AGBL4: variants seen among roughly 807,000 people sequenced by gnomAD.
The protein encoded by AGBL4 is AGBL carboxypeptidase 4.
A neutral mutation model predicts 66.4 loss-of-function variants in AGBL4; 58 were observed. The observed-to-expected ratio is 0.87, with a 90% CI of 0.71 to 1.09. AGBL4 has a LOEUF of 1.09. AGBL4 is among the 50% of genes least tolerant of loss of function. The pLI is 0.00. For synonymous variants in AGBL4, 234 were observed against 222.9 expected, an observed-to-expected ratio of 1.05 and a Z score of -0.44; for missense variants, 579 against 631.0, an observed-to-expected ratio of 0.92 and a Z score of 0.88.
At chr1:49,247,194 G>A (rs559997513) in intron 3 of AGBL4, among the ~76,000 whole-genome samples, 1 of 152,018 alleles carries the variant, frequency 6.6e-6, no homozygotes, top group African/African-American at 2.4e-5. Context: ...TATTTTCCAA[G>A]GGCAAAAAAT....
At chr1:49,829,391 G>A (rs182419794) in intron 2 of AGBL4, among the ~76,000 whole-genome samples, 2 of 152,182 alleles carry the variant, frequency 1.3e-5, no homozygotes, top group Admixed American at 6.5e-5. Context: ...GGGTAAGACA[G>A]TATTGGAAAG....
intron 2 of AGBL4, among the ~76,000 whole-genome samples, chr1:49,780,721 A>G (rs538612519): frequency 3.9e-5 from 6 of 152,164 alleles, no homozygotes; most frequent in Non-Finnish European, 7.4e-5. Context: ...ACCACTAAGA[A>G]AATAACCAGA....
chr1:48,783,868 A>T (rs151229706), intron 6 of AGBL4, among the ~76,000 whole-genome samples: 74 of 152,306 alleles, frequency 4.9e-4, no homozygotes, highest in Middle Eastern at 3.4e-3. Flanking sequence ...AGCACACAGG[A>T]AATTCTCAAC....
At chr1:48,986,773 T>C (rs1278637111) in intron 5 of AGBL4, among the ~76,000 whole-genome samples, 1 of 152,076 alleles carries the variant, frequency 6.6e-6, no homozygotes, top group African/African-American at 2.4e-5. Context: ...CATAAGAATA[T>C]GTCTTATTAG....
At position 49,512,547 on chromosome 1, in the gene AGBL4, C is replaced by T. The variant is rs185198568; in HGVS notation, c.282+184766G>A. On this transcript the variant is annotated intron_variant, in intron 3 of 13. Transcript: ENST00000371839. ...GTTAAGTTTGTGGCATTTCCTGCCACCCCCCCTCTTTCCTACTTCACCATG... is the reference window on the plus strand; with the variant it reads ...GTTAAGTTTGTGGCATTTCCTGCCATCCCCCCTCTTTCCTACTTCACCATG... 7.7e-4 allele frequency among the ~76,000 whole-genome samples: 117 copies of T among 151,630 alleles called. 1 individual carries two copies. Among genetic ancestry groups the T allele is most frequent in the African/African-American group, 2.8e-3 (114 of 41,384 alleles).
intron 2 of AGBL4, among the ~76,000 whole-genome samples, chr1:49,731,873 A>G (rs1481181080): frequency 6.6e-6 from 1 of 152,216 alleles, no homozygotes; most frequent in African/African-American, 2.4e-5. Flanking sequence ...TCTTAAAGGT[A>G]TACAAAAATC....
chr1:49,278,125 G>T (rs558126478), intron 3 of AGBL4, among the ~76,000 whole-genome samples: 31 of 152,220 alleles, frequency 2.0e-4, no homozygotes, highest in Non-Finnish European at 4.6e-4. Flanking sequence ...CAATGTGGTA[G>T]AAGCAGCATC....
chr1:49,877,376 T>C (rs1165630944), intron 1 of AGBL4, among the ~76,000 whole-genome samples: 1 of 152,104 alleles, frequency 6.6e-6, no homozygotes, highest in Non-Finnish European at 1.5e-5. Flanking sequence ...GAAGGGTTGT[T>C]GAATTCTGTC....
chr1:49,114,555 A>G (rs1297482340), intron 4 of AGBL4, among the ~76,000 whole-genome samples: 2 of 152,242 alleles, frequency 1.3e-5, no homozygotes, highest in African/African-American at 2.4e-5. Context: ...CATAAACAAC[A>G]TGACTGTTTG....
intron 3 of AGBL4, chr1:49,268,118 T>C (rs1054152100): frequency 3.9e-5 from 6 of 152,104 alleles, no homozygotes; most frequent in Non-Finnish European, 1.5e-5. Flanking sequence ...TCAAGGATAA[T>C]AAATAGAAAA....
intron 2 of AGBL4, among the ~76,000 whole-genome samples, chr1:49,723,344 C>T (rs1648753290): frequency 6.6e-6 from 1 of 152,074 alleles, no homozygotes; most frequent in Admixed American, 6.6e-5. Flanking sequence ...CTTCTAACGC[C>T]AGCAAGCCTC....
chr1:49,500,726 C>T (rs1648071677), intron 3 of AGBL4, among the ~76,000 whole-genome samples: 1 of 152,012 alleles, frequency 6.6e-6, no homozygotes, highest in African/African-American at 2.4e-5. Flanking sequence ...TATTCTGTTC[C>T]ATTGGTCTAT....
intron 6 of AGBL4, among the ~76,000 whole-genome samples, chr1:48,747,657 C>T (rs1650984003): frequency 6.6e-6 from 1 of 152,166 alleles, no homozygotes; most frequent in African/African-American, 2.4e-5. Flanking sequence ...TGGCTTTTTC[C>T]CTAAAATGGA....
intron 3 of AGBL4, among the ~76,000 whole-genome samples, chr1:49,647,312 G>T (rs1645909357): frequency 6.6e-6 from 1 of 151,990 alleles, no homozygotes; most frequent in Non-Finnish European, 1.5e-5. Context: ...ACAACTTTTA[G>T]ATTCATAAGA....
rs570124687 is a variant in AGBL4 at position 49,487,942 on chromosome 1, G to A, written c.282+209371C>T. On this transcript the variant is annotated intron_variant, in intron 3 of 13. Coordinates refer to ENST00000371839, the MANE Select transcript of AGBL4 (RefSeq NM_032785.4). ...AGATATCAGGGATAATTGAAACCAA[G>A]TGCTCCAATACGTAAACATTAGATT... Among the ~76,000 whole-genome samples the A allele has an allele frequency of 6.8e-4, 103 of 151,946 alleles. 1 individual carries two copies. Among genetic ancestry groups the A allele is most frequent in the African/African-American group, 2.3e-3 (97 of 41,494 alleles).
At chr1:49,971,497 G>C (rs925978383) in intron 1 of AGBL4, among the ~76,000 whole-genome samples, 1 of 152,092 alleles carries the variant, frequency 6.6e-6, no homozygotes, top group Non-Finnish European at 1.5e-5. Flanking sequence ...CTTTAAATAA[G>C]AAGGTGAAAG....
At chr1:49,308,729 GAGAAA>G (rs1296538219) in intron 3 of AGBL4, among the ~76,000 whole-genome samples, 1 of 152,138 alleles carries the variant, frequency 6.6e-6, no homozygotes, top group Non-Finnish European at 1.5e-5. Context: ...GGAACAGAAT[GAGAAA>G]AGGCAGGGTG....
chr1:48,926,817 T>C lies in AGBL4; in HGVS notation c.595-59587A>G, dbSNP rs1460556374. On this transcript the variant is annotated intron_variant, in intron 5 of 13. Coordinates refer to ENST00000371839, the MANE Select transcript of AGBL4 (RefSeq NM_032785.4). ...GTAGAAGTAATGCTAATAGTAGCAC[T>C]AGCAATGATAGTATTAATAATAGAA... 2.0e-5 allele frequency among the ~76,000 whole-genome samples: 3 copies of C among 152,190 alleles called. No individual in the cohort carries two copies. In the East Asian group the frequency reaches 5.8e-4, roughly 29 times the overall value.
At chr1:49,161,250 C>T (rs1646535392) in intron 4 of AGBL4, among the ~76,000 whole-genome samples, 3 of 152,284 alleles carry the variant, frequency 2.0e-5, no homozygotes, top group Middle Eastern at 6.8e-3. Context: ...TATCTGGAGC[C>T]GAGTACATGG....
Sources: gnomAD v4.1 joint callset for allele counts (sites outside exome capture counted in the v4.1 genomes callset) on GRCh38, gnomAD v4.1.1 for gene constraint, MANE v1.5 for transcripts, NCBI Gene and HGNC (gene_info 2026-07-23, HGNC 2026-07-21) for gene names.